The following PTPRQ variants were observed in gnomAD, a reference collection of about 807,000 sequenced individuals.
PTPRQ encodes the protein phosphatidylinositol phosphatase PTPRQ.
In PTPRQ, 199 loss-of-function variants were observed where a neutral mutation model predicts 246.0. That is an observed-to-expected ratio of 0.81 (90% CI 0.72 to 0.91). The LOEUF is 0.91. Ranked by LOEUF, PTPRQ falls within the 40% of genes least tolerant of loss-of-function variation. PTPRQ has a pLI of 0.00. For synonymous variants in PTPRQ, 869 were observed against 853.2 expected (o/e 1.02, Z -0.32); for missense variants, 2,624 against 2,528.4 (o/e 1.04, Z -0.81).
intron 14 of PTPRQ, among the ~76,000 whole-genome samples, chr12:80,501,610 A>G (rs1325521862): frequency 6.6e-6 from 1 of 151,994 alleles, no homozygotes; most frequent in Non-Finnish European, 1.5e-5. Context: ...ACTGGACAAC[A>G]GGGGGAGACG....
intron 8 of PTPRQ, among the ~76,000 whole-genome samples, chr12:80,482,670 A>C (rs1347612732): frequency 6.6e-6 from 1 of 151,450 alleles, no homozygotes; most frequent in Non-Finnish European, 1.5e-5. Flanking sequence ...AACTCAAACA[A>C]ATTTACAAGA....
Position 80,444,838 on chromosome 12 carries a change from C to T in PTPRQ, c.152C>T (p.Thr51Ile). 1 of 1,519,474 alleles carries T rather than the reference C, an allele frequency of 6.6e-7. No individual in the cohort carries two copies. The highest frequency in any genetic ancestry group is 8.9e-7 in the Non-Finnish European group (1 of 1,125,192). 94.1% of individuals were successfully genotyped at this position (1,519,474 alleles called of 1,614,324 possible). Residue 51 changes from threonine (T) to isoleucine (I), a missense_variant, in exon 2 of 45, where the codon ACA (threonine) becomes ATA (isoleucine). By Grantham distance (89) the Thr-to-Ile change is moderately conservative (BLOSUM62 -1). Transcript: ENST00000644991. ...YTSPVTRIVT[T>I]NVTKPGPPVF... ...TCACCTGTTACTAGAATAGTGACAA[C>T]AAATGTAACAAGTGAGTATATGTTT...
intron 27 of PTPRQ, among the ~76,000 whole-genome samples, chr12:80,605,995 A>C (rs143723310): frequency 6.6e-6 from 1 of 151,298 alleles, no homozygotes; most frequent in African/African-American, 2.4e-5. Context: ...GTAGCAAGAG[A>C]ACGAATGAAA....
chr12:80,455,288 T>A (rs1459202479), intron 3 of PTPRQ, among the ~76,000 whole-genome samples: 3 of 152,234 alleles, frequency 2.0e-5, no homozygotes, highest in Admixed American at 1.3e-4. Context: ...TAACTTTGGT[T>A]AATTATTTAA....
chr12:80,506,302 G>T, intron 15 of PTPRQ, 96 bp downstream of exon 15: 2 of 1,290,910 alleles, frequency 1.5e-6, no homozygotes, highest in African/African-American at 3.0e-5. Flanking sequence ...TTATTTTCAT[G>T]CAGGGTATTA....
At chr12:80,468,600 C>A in intron 6 of PTPRQ, 110 bp from the exon 7 acceptor site, 1 of 1,124,578 alleles carries the variant, frequency 8.9e-7, no homozygotes, top group Non-Finnish European at 1.2e-6. Context: ...TGCTTTTAAG[C>A]GCGATATTTT....
At chr12:80,506,256 A>G (rs963243034) in intron 15 of PTPRQ, 50 bp downstream of exon 15, 4 of 1,400,444 alleles carry the variant, frequency 2.9e-6, no homozygotes, top group Non-Finnish European at 3.8e-6. Flanking sequence ...ATGACAGAGT[A>G]GCCACAAATA....
intron 17 of PTPRQ, among the ~76,000 whole-genome samples, chr12:80,523,566 CTT>C (rs1895581140): frequency 6.6e-6 from 1 of 152,124 alleles, no homozygotes; most frequent in Non-Finnish European, 1.5e-5. Flanking sequence ...TATGTTGTGT[CTT>C]TGTTCTCATT....
At chr12:80,466,515 T>C (rs954910713) in intron 6 of PTPRQ, among the ~76,000 whole-genome samples, 2 of 152,146 alleles carry the variant, frequency 1.3e-5, no homozygotes, top group African/African-American at 4.8e-5. Context: ...ACTTTAAAGT[T>C]CATATGGAAC....
At chr12:80,675,159 A>G (rs1461340922) in intron 43 of PTPRQ, among the ~76,000 whole-genome samples, 1 of 152,166 alleles carries the variant, frequency 6.6e-6, no homozygotes, top group Non-Finnish European at 1.5e-5. Flanking sequence ...GGCCAGCTTC[A>G]TGGGTAGGCA....
chr12:80,551,374 C>G (rs1412401486), intron 25 of PTPRQ, among the ~76,000 whole-genome samples: 16 of 152,220 alleles, frequency 1.1e-4, no homozygotes, highest in Admixed American at 9.2e-4. Context: ...CCTTCTCCAC[C>G]TTGGCCACCA....
chr12:80,446,558 T>C (rs756897595), intron 3 of PTPRQ, among the ~76,000 whole-genome samples: 7 of 151,814 alleles, frequency 4.6e-5, no homozygotes, highest in Non-Finnish European at 8.8e-5. Context: ...TTGTACCCAA[T>C]AGGTAATTTT....
chr12:80,549,415 T>C (rs1896401644), intron 24 of PTPRQ, 50 bp from the exon 25 acceptor site: 2 of 1,462,586 alleles, frequency 1.4e-6, no homozygotes, highest in South Asian at 3.0e-5. Context: ...ATCAATTATC[T>C]ACTTACATAT....
chr12:80,554,589 G>T (rs1411616442), intron 25 of PTPRQ, among the ~76,000 whole-genome samples: 2 of 152,122 alleles, frequency 1.3e-5, no homozygotes, highest in African/African-American at 4.8e-5. Context: ...GTTTTTAGGG[G>T]TGTTCTTTTC....
chr12:80,648,874 A>G, intron 35 of PTPRQ, 23 bp from the exon 36 acceptor site: 2 of 1,528,224 alleles, frequency 1.3e-6, no homozygotes, highest in East Asian at 2.5e-5. Context: ...CTCACAATGC[A>G]TTTAACACAA....
At chr12:80,452,853 C>T (rs1892817645) in intron 3 of PTPRQ, among the ~76,000 whole-genome samples, 1 of 152,034 alleles carries the variant, frequency 6.6e-6, no homozygotes, top group African/African-American at 2.4e-5. Flanking sequence ...CTTGGAGTCG[C>T]TCTTCTCGAG....
chr12:80,461,345 T>C (rs772047230), intron 6 of PTPRQ, among the ~76,000 whole-genome samples: 1 of 152,178 alleles, frequency 6.6e-6, no homozygotes, highest in Admixed American at 6.5e-5. Flanking sequence ...TACCTACTTA[T>C]ATCCCATTTG....
intron 42 of PTPRQ, among the ~76,000 whole-genome samples, chr12:80,672,241 T>C (rs1039562903): frequency 8.6e-5 from 13 of 151,856 alleles, no homozygotes; most frequent in Non-Finnish European, 1.9e-4. Flanking sequence ...TGTTCACTGC[T>C]ATGATCCAGG....
chr12:80,646,271 C>G (rs926207955), intron 35 of PTPRQ, among the ~76,000 whole-genome samples: 1 of 152,070 alleles, frequency 6.6e-6, no homozygotes, highest in Non-Finnish European at 1.5e-5. Flanking sequence ...ATACATTTCC[C>G]AAACTAGGAA....
Sources: allele counts gnomAD v4.1 joint callset (sites outside exome capture counted in the v4.1 genomes callset), GRCh38; gene constraint gnomAD v4.1.1; transcripts MANE v1.5; gene names NCBI Gene and HGNC (gene_info 2026-07-23, HGNC 2026-07-21).